Variants in ZNF568 observed in about 807,000 individuals in gnomAD.
The protein encoded by ZNF568 is p53 inhibitor of SCO2 activation.
Under a neutral mutation model 18.1 loss-of-function variants are expected in ZNF568, and 11 were observed. The ratio of observed to expected loss-of-function variants is 0.61; its 90% CI spans 0.38 to 1.00. The LOEUF is 1.00. Among genes scored for constraint, ZNF568 ranks in the 50% least tolerant of loss-of-function variants. ZNF568 has a pLI of 0.01. For synonymous variants in ZNF568, 213 were observed against 246.6 expected, an observed-to-expected ratio of 0.86 and a Z score of 1.28; for missense variants, 639 against 768.2, an observed-to-expected ratio of 0.83 and a Z score of 1.99.
intron 6 of ZNF568, among the ~76,000 whole-genome samples, chr19:36,972,350 G>A (rs1428007672): frequency 1.3e-5 from 2 of 151,988 alleles, no homozygotes; most frequent in Non-Finnish European, 2.9e-5. Context: ...CTCAAATAAT[G>A]ACGTTGCAGC....
intron 4 of ZNF568, among the ~76,000 whole-genome samples, chr19:36,929,990 C>A (rs2073657148): frequency 6.7e-6 from 1 of 148,234 alleles, no homozygotes; most frequent in Admixed American, 6.8e-5. Context: ...AGGAATAAAA[C>A]TTAATGACAT....
Position 36,952,284 on chromosome 19 carries a change from A to AT in ZNF568, c.*1196_*1197insT, listed in dbSNP as rs2074072045. The stretch of plus-strand genomic sequence containing the variant: ...ATAGCAAGACCCCATCTCTTAAAAA[A>AT]AAAGAAATATATAGACATATATCTG... On this transcript the variant is annotated 3_prime_UTR_variant, in exon 7 of 7. Coordinates refer to ENST00000333987, the MANE Select transcript of ZNF568 (RefSeq NM_198539.4). The AT allele has an allele frequency of 6.4e-6, 1 of 155,246 alleles. No homozygotes were observed. Among genetic ancestry groups the AT allele is most frequent in the African/African-American group, 2.4e-5 (1 of 41,476 alleles). 9.6% of individuals were successfully genotyped at this position (155,246 alleles called of 1,614,324 possible).
chr19:36,923,557 T>C (rs2073494730), intron 3 of ZNF568, among the ~76,000 whole-genome samples: 1 of 151,070 alleles, frequency 6.6e-6, no homozygotes, highest in Non-Finnish European at 1.5e-5. Context: ...TTCTTTTCTC[T>C]CTGCATTGCT....
rs2074066423 is a variant in ZNF568 at position 36,951,951 on chromosome 19, G to C, written c.*863G>C. On this transcript the variant is annotated 3_prime_UTR_variant, in exon 7 of 7. Coordinates refer to ENST00000333987, the MANE Select transcript of ZNF568 (RefSeq NM_198539.4). ...TGGCCAAAAAATTAACATTCTAAAGGATTTAAATACTGGAATTTGAAAAGC... is the reference window on the plus strand; with the variant it reads ...TGGCCAAAAAATTAACATTCTAAAGCATTTAAATACTGGAATTTGAAAAGC... 4.1e-6 allele frequency: 4 copies of C among 982,520 alleles called. No individual in the cohort carries two copies. The highest frequency in any genetic ancestry group is 4.8e-6 in the Non-Finnish European group (4 of 829,370). 60.9% of individuals were successfully genotyped at this position (982,520 alleles called of 1,614,324 possible). A position where few individuals can be genotyped will look rare whatever the true frequency, so the allele number is the denominator to read the frequency against.
At position 36,986,730 on chromosome 19, in the gene ZNF568, C is replaced by T. The variant is rs1371848064; in HGVS notation, c.10-4446C>T. On this transcript the variant is annotated intron_variant, in intron 2 of 4. Transcript: ENST00000433993. ...GAGCCAGAGTCATGGGGATTTGATTCGTATTTTCGGATAAGAGAATTTTGT... is the reference window on the plus strand; with the variant it reads ...GAGCCAGAGTCATGGGGATTTGATTTGTATTTTCGGATAAGAGAATTTTGT... Among the ~76,000 whole-genome samples the T allele has an allele frequency of 3.3e-5, 5 of 152,086 alleles. No homozygotes were observed. The East Asian group carries it at 5.8e-4, about 18-fold the overall frequency.
chr19:36,987,822 CTG>C (rs56000710), intron 2 of ZNF568, among the ~76,000 whole-genome samples: 10,446 of 146,332 alleles, frequency 0.071, 596 homozygotes, highest in African/African-American at 0.16. Flanking sequence ...AACACAGACT[CTG>C]TGTGTGTGTG....
At position 36,996,557 on chromosome 19, in the gene ZNF568, A is replaced by G. The variant is rs2074473979; in HGVS notation, c.470A>G (p.Lys157Arg). Residue 157 changes from lysine (K) to arginine (R), a missense_variant, in exon 5 of 5, where the codon AAA becomes AGA. Transcript: ENST00000433993. ...GGAGAGAAATCCTGTGAATGCAGGAAATGTAAGAATGCTTTTAGGTACCAG... is the reference window on the plus strand; with the variant it reads ...GGAGAGAAATCCTGTGAATGCAGGAGATGTAAGAATGCTTTTAGGTACCAG... 2.0e-6 allele frequency: 3 copies of G among 1,536,160 alleles called. No homozygotes were observed. The East Asian group carries it at 7.3e-5, about 38-fold the overall frequency.
downstream of ZNF568, among the ~76,000 whole-genome samples, chr19:36,957,219 CT>C (rs56712509): frequency 0.18 from 12,458 of 68,726 alleles, 903 homozygotes; most frequent in East Asian, 0.31. Flanking sequence ...CCAGACTGTT[CT>C]TTTTTTTTTT....
Position 36,924,154 on chromosome 19 carries a change from T to A in ZNF568, c.77-1046T>A, listed in dbSNP as rs188149708. Among the ~76,000 whole-genome samples the A allele has an allele frequency of 3.7e-4, 56 of 152,258 alleles. No individual in the cohort carries two copies. The East Asian group carries it at 9.9e-3, about 27-fold the overall frequency. On this transcript the variant is annotated intron_variant, in intron 3 of 6. Coordinates refer to ENST00000333987, the MANE Select transcript of ZNF568 (RefSeq NM_198539.4). ...AATGTCATTAGAAACATGACTGTAT[T>A]GCATCCTATCTTATCAATGTTCCAC...
In ZNF568 at chr19:36,919,657, C is replaced by T. The variant is rs1038987946; in HGVS notation, c.-186+2009C>T. Among the ~76,000 whole-genome samples, 5 of 152,118 alleles carry T rather than the reference C, an allele frequency of 3.3e-5. 1 individual carries two copies. Among genetic ancestry groups the T allele is most frequent in the Non-Finnish European group, 2.9e-5 (2 of 68,018 alleles). On this transcript the variant is annotated intron_variant, in intron 2 of 6. Coordinates refer to ENST00000333987, the MANE Select transcript of ZNF568 (RefSeq NM_198539.4). Reference sequence around the variant, plus strand: ...CTGCTGCTCACTTCCTGCTGTGTGGCCTGGTTCCTAACCAGGAACCAGTAC... The same window carrying T: ...CTGCTGCTCACTTCCTGCTGTGTGGTCTGGTTCCTAACCAGGAACCAGTAC...
At chr19:36,958,763 C>T (rs775409162) in intron 6 of ZNF568, among the ~76,000 whole-genome samples, 10 of 151,514 alleles carry the variant, frequency 6.6e-5, no homozygotes, top group Non-Finnish European at 1.3e-4. Flanking sequence ...GGATTACAGG[C>T]GTGCACCACC....
chr19:36,978,262 A>G lies in ZNF568; in HGVS notation c.406-742A>G, dbSNP rs149860109. Among the ~76,000 whole-genome samples the G allele has an allele frequency of 5.9e-5, 9 of 152,348 alleles. No individual in the cohort carries two copies. In the East Asian group the frequency reaches 1.7e-3, roughly 29 times the overall value. ...AGAGCACAAAGCCTAATGTTGGAGTAAAGTGGTGAGCAAAGATGATGTGTT... is the reference window on the plus strand; with the variant it reads ...AGAGCACAAAGCCTAATGTTGGAGTGAAGTGGTGAGCAAAGATGATGTGTT... On this transcript the variant is annotated intron_variant, in intron 7 of 7. Coordinates refer to the ZNF568 transcript ENST00000427117.
chr19:36,956,391 C>T (rs1231889519), downstream of ZNF568, among the ~76,000 whole-genome samples: 1 of 152,154 alleles, frequency 6.6e-6, no homozygotes, highest in Non-Finnish European at 1.5e-5. Context: ...AGCTCTAGAG[C>T]TCCCCAGGGA....
At chr19:36,917,255 C>G (rs1248773982) in intron 1 of ZNF568, among the ~76,000 whole-genome samples, 1 of 152,178 alleles carries the variant, frequency 6.6e-6, no homozygotes, top group Non-Finnish European at 1.5e-5. Flanking sequence ...ACATTTGTTG[C>G]CAGGGCATGC....
chr19:36,918,250 C>T (rs180834161), intron 2 of ZNF568, among the ~76,000 whole-genome samples: 18 of 152,198 alleles, frequency 1.2e-4, no homozygotes, highest in Admixed American at 1.0e-3. Flanking sequence ...AGCCTATTCT[C>T]TTCTAGTTTT....
At chr19:36,991,331 G>A (rs1357624057) in intron 3 of ZNF568, 1 of 1,499,014 alleles carries the variant, frequency 6.7e-7, no homozygotes, top group Admixed American at 2.3e-5. Context: ...TACACCCCCT[G>A]CCCCGCCAAA....
In ZNF568 at chr19:36,927,844, A is replaced by ATGTGTGTGTGTG. The variant is rs367925001; in HGVS notation, c.135+2592_135+2603dup. Among the ~76,000 whole-genome samples the ATGTGTGTGTGTG allele has an allele frequency of 6.0e-5, 5 of 83,840 alleles. No homozygotes were observed. In the East Asian group the frequency reaches 1.2e-3, roughly 20 times the overall value. 55.0% of individuals were successfully genotyped at this position (83,840 alleles called of 152,430 possible). ...TAAATATATATATATATAAAGATAT[A>ATGTGTGTGTGTG]TGTGTGTGTGTGTGTGTATATATAT... On this transcript the variant is annotated intron_variant, in intron 4 of 6. Coordinates refer to ENST00000333987, the MANE Select transcript of ZNF568 (RefSeq NM_198539.4).
chr19:36,976,714 C>G (rs1426049317), intron 7 of ZNF568, among the ~76,000 whole-genome samples: 2 of 152,042 alleles, frequency 1.3e-5, no homozygotes, highest in Non-Finnish European at 2.9e-5. Context: ...AGTTCAAGAC[C>G]AGCCTGACCA....
At chr19:36,957,219 CTTTTTTT>C (rs56712509), downstream of ZNF568, among the ~76,000 whole-genome samples, 19,008 of 70,242 alleles carry the variant, frequency 0.27, 1,686 homozygotes, top group South Asian at 0.41. Flanking sequence ...CCAGACTGTT[CTTTTTTT>C]TTTTTTTTTT....
Sources: allele counts gnomAD v4.1 joint callset (sites outside exome capture counted in the v4.1 genomes callset), GRCh38; gene constraint gnomAD v4.1.1; transcripts MANE v1.5; gene names NCBI Gene and HGNC (gene_info 2026-07-23, HGNC 2026-07-21).